Variants in ATG5 observed in about 807,000 individuals in gnomAD.
The protein encoded by ATG5 is autophagy related 5.
ATG5 carries 14 observed loss-of-function variants against 36.5 expected under a neutral mutation model. The ratio of observed to expected loss-of-function variants is 0.38; its 90% CI spans 0.25 to 0.60. The LOEUF is 0.60. ATG5 is among the 20% of genes least tolerant of loss of function. ATG5 has a pLI of 0.60. For missense variants in ATG5, 195 were observed against 326.7 expected, an observed-to-expected ratio of 0.60 and a Z score of 3.11; for synonymous variants, 95 against 101.5, an observed-to-expected ratio of 0.94 and a Z score of 0.38.
At chr6:106,317,859 CA>C (rs933078220) in intron 1 of ATG5, among the ~76,000 whole-genome samples, 10 of 152,084 alleles carry the variant, frequency 6.6e-5, no homozygotes, top group Admixed American at 5.2e-4. Flanking sequence ...TCACTAGTGG[CA>C]AAAAATAATG....
intron 3 of ATG5, among the ~76,000 whole-genome samples, chr6:106,306,547 C>G (rs1279398220): frequency 6.6e-6 from 1 of 152,274 alleles, no homozygotes; most frequent in South Asian, 2.1e-4. Flanking sequence ...GGGTAGCCCA[C>G]CACAACAAAG....
At chr6:106,213,166 C>T (rs938945062) in intron 6 of ATG5, among the ~76,000 whole-genome samples, 1 of 152,126 alleles carries the variant, frequency 6.6e-6, no homozygotes, top group East Asian at 1.9e-4. Flanking sequence ...AATCTTCATT[C>T]ATTACATATT....
intron 7 of ATG5, among the ~76,000 whole-genome samples, chr6:106,194,545 C>CT (rs3216460): frequency 0.11 from 14,849 of 138,940 alleles, 975 homozygotes; most frequent in South Asian, 0.16. Context: ...TTTTCTTTTT[C>CT]TTTTTTTTTT....
intron 6 of ATG5, among the ~76,000 whole-genome samples, chr6:106,229,365 G>T (rs1037070202): frequency 6.6e-6 from 1 of 151,972 alleles, no homozygotes; most frequent in African/African-American, 2.4e-5. Flanking sequence ...GGCTAAGAGA[G>T]GAAACAGAGA....
chr6:106,186,334 T>C lies in ATG5; in HGVS notation c.*206A>G, dbSNP rs934860513. ...CTTTCATGTCACAGCTGAGGTTTAATGATGGCAGTGGAGGAAAGCAGAGGT... is the reference window on the plus strand; with the variant it reads ...CTTTCATGTCACAGCTGAGGTTTAACGATGGCAGTGGAGGAAAGCAGAGGT... On this transcript the variant is annotated 3_prime_UTR_variant, in exon 8 of 8. Coordinates refer to ENST00000369076, the MANE Select transcript of ATG5 (RefSeq NM_004849.4). The C allele has an allele frequency of 2.8e-5, 15 of 528,866 alleles. No homozygotes were observed. Among genetic ancestry groups the C allele is most frequent in the African/African-American group, 2.7e-4 (14 of 51,820 alleles). 32.8% of individuals were successfully genotyped at this position (528,866 alleles called of 1,614,324 possible).
At chr6:106,259,310 C>T (rs1011908311) in intron 5 of ATG5, among the ~76,000 whole-genome samples, 26 of 152,202 alleles carry the variant, frequency 1.7e-4, no homozygotes, top group Non-Finnish European at 1.0e-4. Context: ...ACGTGATATA[C>T]ATAGTGTATC....
rs531664636 is a variant in ATG5 at position 106,208,310 on chromosome 6, T to C, written c.574-6221A>G. Among the ~76,000 whole-genome samples the C allele has an allele frequency of 2.1e-5, 3 of 140,668 alleles. No homozygotes were observed. In the East Asian group the frequency reaches 6.2e-4, roughly 29 times the overall value. The allele number at this position is 140,668 out of a possible 152,430, so 92.3% of individuals were successfully genotyped here. A position where few individuals can be genotyped will look rare whatever the true frequency, so the allele number is the denominator to read the frequency against. On this transcript the variant is annotated intron_variant, in intron 6 of 7. Transcript: ENST00000369076. Reference sequence around the variant, plus strand: ...GAGATAATACCTACATTATAGTTTCTGAGATAATAAAATGCACAACACAAT... The same window carrying C: ...GAGATAATACCTACATTATAGTTTCCGAGATAATAAAATGCACAACACAAT...
intron 6 of ATG5, among the ~76,000 whole-genome samples, chr6:106,219,970 C>T (rs538232275): frequency 2.0e-5 from 3 of 152,218 alleles, no homozygotes; most frequent in African/African-American, 7.2e-5. Context: ...CCCCTCCAAG[C>T]AATATAACAG....
chr6:106,220,868 G>C (rs751405303), intron 6 of ATG5, among the ~76,000 whole-genome samples: 7 of 152,162 alleles, frequency 4.6e-5, no homozygotes, highest in Non-Finnish European at 8.8e-5. Flanking sequence ...ATCACCCTAA[G>C]GGGCATCATT....
At chr6:106,286,023 A>G (rs1305254504) in intron 4 of ATG5, among the ~76,000 whole-genome samples, 1 of 151,338 alleles carries the variant, frequency 6.6e-6, no homozygotes, top group Non-Finnish European at 1.5e-5. Flanking sequence ...TCCCAGCATC[A>G]TAAGACGTTC....
chr6:106,290,251 T>A (rs1444554727), intron 4 of ATG5, among the ~76,000 whole-genome samples: 1 of 146,916 alleles, frequency 6.8e-6, no homozygotes, highest in East Asian at 2.0e-4. Context: ...TCTATTTTAT[T>A]TTATTTTATT....
At chr6:106,225,087 T>A (rs1777404170) in intron 6 of ATG5, among the ~76,000 whole-genome samples, 1 of 152,234 alleles carries the variant, frequency 6.6e-6, no homozygotes, top group African/African-American at 2.4e-5. Context: ...TAGTGTGCAA[T>A]TTAATTTATT....
At chr6:106,191,167 C>T (rs1408643574) in intron 7 of ATG5, among the ~76,000 whole-genome samples, 1 of 152,120 alleles carries the variant, frequency 6.6e-6, no homozygotes, top group Non-Finnish European at 1.5e-5. Context: ...CCTCTCCAGA[C>T]TTTCTGAATC....
At chr6:106,290,796 T>C (rs566480449) in intron 4 of ATG5, among the ~76,000 whole-genome samples, 4 of 152,332 alleles carry the variant, frequency 2.6e-5, no homozygotes, top group African/African-American at 9.6e-5. Context: ...ATTCCAAATG[T>C]TGACCCTTTC....
At chr6:106,309,234 C>T (rs750206586) in intron 2 of ATG5, among the ~76,000 whole-genome samples, 5 of 152,086 alleles carry the variant, frequency 3.3e-5, no homozygotes, top group Non-Finnish European at 5.9e-5. Flanking sequence ...CTTTTATAAC[C>T]GCATCATCTT....
intron 5 of ATG5, among the ~76,000 whole-genome samples, chr6:106,249,797 T>C (rs646351): frequency 0.43 from 65,364 of 152,096 alleles, 14,465 homozygotes; most frequent in Admixed American, 0.52. Flanking sequence ...TTAATTATAA[T>C]CATTCTGGCA....
intron 1 of ATG5, among the ~76,000 whole-genome samples, chr6:106,319,245 T>C (rs1194993348): frequency 1.3e-5 from 2 of 152,120 alleles, no homozygotes; most frequent in Non-Finnish European, 2.9e-5. Context: ...AGAACATGTC[T>C]CAAAAATGTT....
chr6:106,297,765 C>CACACACACACAT (rs752893372), intron 3 of ATG5, among the ~76,000 whole-genome samples: 2 of 108,044 alleles, frequency 1.9e-5, no homozygotes, highest in African/African-American at 6.9e-5. Context: ...CACACACACA[C>CACACACACACAT]ATATATATTT....
intron 6 of ATG5, among the ~76,000 whole-genome samples, chr6:106,229,468 G>A (rs990857454): frequency 6.6e-6 from 1 of 152,098 alleles, no homozygotes; most frequent in Non-Finnish European, 1.5e-5. Flanking sequence ...GACAGGGAGA[G>A]AGACAGAGAG....
Sources: gnomAD v4.1 joint callset for allele counts (sites outside exome capture counted in the v4.1 genomes callset) on GRCh38, gnomAD v4.1.1 for gene constraint, MANE v1.5 for transcripts, NCBI Gene and HGNC (gene_info 2026-07-23, HGNC 2026-07-21) for gene names.